GBP3: variants seen among roughly 807,000 people sequenced by gnomAD.
GBP3 encodes the protein guanylate binding protein 3, also known as guanylate-binding protein 3.
In GBP3, 55 loss-of-function variants were observed where a neutral mutation model predicts 62.4. That is an observed-to-expected ratio of 0.88 (90% CI 0.71 to 1.10). GBP3 has a LOEUF of 1.10. Ranked by LOEUF, GBP3 falls within the 50% of genes least tolerant of loss-of-function variation. The pLI is 0.00. For missense variants in GBP3, 605 were observed against 690.6 expected (o/e 0.88, Z 1.39); for synonymous variants, 208 against 259.2 (o/e 0.80, Z 1.90).
chr1:89,014,734 T>C (rs1678791317), intron 3 of GBP3, 78 bp from the exon 4 acceptor site: 1 of 1,559,260 alleles, frequency 6.4e-7, no homozygotes, highest in Non-Finnish European at 8.8e-7. Context: ...AGTAAAAGTA[T>C]ATCATAAGTT....
chr1:89,020,800 A>G (rs1679147613), intron 1 of GBP3, 57 bp from the exon 2 acceptor site: 3 of 1,507,898 alleles, frequency 2.0e-6, no homozygotes. Context: ...TTTAGAGGAT[A>G]GAGTCACAGA....
intron 1 of GBP3, among the ~76,000 whole-genome samples, chr1:89,021,510 G>GCGCGCGCGCGCGCGCACACACACACACA (rs751639388): frequency 3.8e-5 from 5 of 131,668 alleles, no homozygotes; most frequent in African/African-American, 1.5e-4. Context: ...GCGCGCGCGC[G>GCGCGCGCGCGCGCGCACACACACACACA]CACACACACA....
Position 89,007,845 on chromosome 1 carries a change from G to A in GBP3, c.1667C>T (p.Ala556Val), listed in dbSNP as rs373765234. The A allele has an allele frequency of 4.3e-6, 7 of 1,611,380 alleles. No individual in the cohort carries two copies. Among genetic ancestry groups the A allele is most frequent in the Non-Finnish European group, 5.9e-6 (7 of 1,179,086 alleles). The change falls in exon 11 of 11, where the codon GCC (alanine) becomes GTC (valine). Residue 556 changes from alanine to valine, a missense_variant. Transcript: ENST00000370481. ...TTGGCATCTCTCCTTTAGTACTCGG[G>A]CCTGTTCCTAAAAAGGGACAAATGG... ...KTLTSKLQEQ[A>V]RVLKERCQGE... is the part of the protein sequence containing the mutation.
chr1:89,014,483 A>T (rs1433959246), intron 4 of GBP3, 64 bp downstream of exon 4: 2 of 1,613,852 alleles, frequency 1.2e-6, no homozygotes, highest in Non-Finnish European at 1.7e-6. Context: ...ACAGTCAGGC[A>T]GCTGGTTTAT....
chr1:89,017,254 G>A (rs371783500), intron 2 of GBP3, among the ~76,000 whole-genome samples: 10 of 151,456 alleles, frequency 6.6e-5, no homozygotes, highest in East Asian at 5.8e-4. Context: ...ATCATTCAAC[G>A]CAGAAAGAGG....
chr1:89,017,634 A>T (rs547390010), intron 2 of GBP3, among the ~76,000 whole-genome samples: 1 of 152,244 alleles, frequency 6.6e-6, no homozygotes, highest in Admixed American at 6.5e-5. Flanking sequence ...AACAGATTAA[A>T]AAGTAAAGAA....
Position 89,007,564 on chromosome 1 carries a change from A to G in GBP3, c.*160T>C, listed in dbSNP as rs890042209. Reference sequence around the variant, plus strand: ...TTGTTGCACAATTTACAATCTTTTTAAGGAAAAAACATGATTTTGATCATT... The same window carrying G: ...TTGTTGCACAATTTACAATCTTTTTGAGGAAAAAACATGATTTTGATCATT... On this transcript the variant is annotated 3_prime_UTR_variant, in exon 11 of 11. Transcript: ENST00000370481. 2.8e-6 allele frequency: 2 copies of G among 706,762 alleles called. No individual in the cohort carries two copies. The highest frequency in any genetic ancestry group is 2.0e-5 in the South Asian group (1 of 49,378). The allele number at this position is 706,762 out of a possible 1,614,324, so 43.8% of individuals were successfully genotyped here.
chr1:89,007,707 C>T lies in GBP3; in HGVS notation c.*17G>A. ...TCAGTTATGCCTTGGGTTAGGATGACAGAAAAGCTCTGTTGTTTAGATCTT... is the reference window on the plus strand; with the variant it reads ...TCAGTTATGCCTTGGGTTAGGATGATAGAAAAGCTCTGTTGTTTAGATCTT... On this transcript the variant is annotated 3_prime_UTR_variant, in exon 11 of 11. Transcript: ENST00000370481. The T allele has an allele frequency of 6.2e-7, 1 of 1,603,028 alleles. No homozygotes were observed. Among genetic ancestry groups the T allele is most frequent in the Non-Finnish European group, 8.5e-7 (1 of 1,175,628 alleles).
Position 89,014,070 on chromosome 1 carries a change from A to G in GBP3, c.625+13T>C, listed in dbSNP as rs770434829. Reference sequence around the variant, plus strand: ...TTTGTCGTCCTCATTTATCAATGGTACGTCTCTGTTACCTTGCGTTAGCTT... The same window carrying G: ...TTTGTCGTCCTCATTTATCAATGGTGCGTCTCTGTTACCTTGCGTTAGCTT... On this transcript the variant is annotated intron_variant, in intron 5 of 10. Transcript: ENST00000370481. 9 of 1,611,548 alleles carry G rather than the reference A, an allele frequency of 5.6e-6. No individual in the cohort carries two copies. In the South Asian group the frequency reaches 9.9e-5, roughly 18 times the overall value.
rs143902744 is a variant in GBP3 at position 89,007,747 on chromosome 1, T to C, written c.1765A>G (p.Met589Val). 2.4e-5 allele frequency: 38 copies of C among 1,613,224 alleles called. No homozygotes were observed. The highest frequency in any genetic ancestry group is 8.3e-5 in the Admixed American group (5 of 59,912). The change falls in exon 11 of 11, where the codon ATG becomes GTG. Residue 589 changes from methionine to valine, a missense_variant. Physicochemically the swap from Met to Val is conservative, Grantham distance 21. Around this residue, in one of 3 missense-constraint regions of GBP3, gnomAD observed 160 missense variants for 147.8 expected, o/e 1.08. Coordinates refer to ENST00000370481, the MANE Select transcript of GBP3 (RefSeq NM_018284.3). ...GTTTAGATCTTTAGCTTATGCGACA[T>C]ATATCTCTTGGTTTTTTTTTTCAGG... ...KTLKKKTKRY[M>V]SHKLKI
At chr1:89,013,562 G>A in intron 5 of GBP3, 135 bp from the exon 6 acceptor site, 1 of 886,004 alleles carries the variant, frequency 1.1e-6, no homozygotes, top group Non-Finnish European at 1.7e-6. Flanking sequence ...CATGACAACA[G>A]CTTTAGACAA....
Position 89,008,978 on chromosome 1 carries a change from T to C in GBP3, c.1628A>G (p.Glu543Gly). The change falls in exon 10 of 11, where the codon GAG becomes GGG. Residue 543 changes from glutamate to glycine, a missense_variant. Around this residue, in one of 3 missense-constraint regions of GBP3, gnomAD observed 160 missense variants for 147.8 expected, o/e 1.08. Coordinates refer to ENST00000370481, the MANE Select transcript of GBP3 (RefSeq NM_018284.3). ...TTTACTAGTGAGGGTCTTCTCTTGC[T>C]CTTCCAGCAACTGGGCCCTCTCCCT... ...MERERAQLLE[E>G]QEKTLTSKLQ... The C allele has an allele frequency of 1.2e-6, 2 of 1,614,178 alleles. No individual in the cohort carries two copies. Among genetic ancestry groups the C allele is most frequent in the South Asian group, 1.1e-5 (1 of 91,082 alleles).
chr1:89,019,253 C>T (rs1679051734), intron 2 of GBP3, among the ~76,000 whole-genome samples: 1 of 152,214 alleles, frequency 6.6e-6, no homozygotes. Context: ...TTAGTATACA[C>T]ATATAATTAC....
At position 89,014,570 on chromosome 1, in the gene GBP3, G is replaced by A; in HGVS notation, c.405C>T (p.Asn135=). Residue 135 remains asparagine (N), a synonymous_variant, in exon 4 of 11, where the codon AAC becomes AAT. Transcript: ENST00000370481. ...ACTACAGTTGGTCCATAGCCTGCTGGTTGATGGTTCCCATGCTATTGTACA... is the reference window on the plus strand; with the variant it reads ...ACTACAGTTGGTCCATAGCCTGCTGATTGATGGTTCCCATGCTATTGTACA... The part of the protein sequence containing the change: ...TLVYNSMGTI[N]QQAMDQLYYV... 3 of 1,614,142 alleles carry A rather than the reference G, an allele frequency of 1.9e-6. No homozygotes were observed. The highest frequency in any genetic ancestry group is 2.5e-6 in the Non-Finnish European group (3 of 1,179,994).
At position 89,009,105 on chromosome 1, in the gene GBP3, C is replaced by G; in HGVS notation, c.1501G>C (p.Ala501Pro). The G allele has an allele frequency of 6.2e-7, 1 of 1,614,096 alleles. No individual in the cohort carries two copies. The highest frequency in any genetic ancestry group is 8.5e-7 in the Non-Finnish European group (1 of 1,179,992). Residue 501 changes from alanine to proline, a missense_variant, in exon 10 of 11, where the codon GCA (alanine) becomes CCA (proline). Coordinates refer to ENST00000370481, the MANE Select transcript of GBP3 (RefSeq NM_018284.3). ...CVKAESAQAS[A>P]KMVEEMQIKY... ...ATTTGCATTTCCTCCACCATTTTTG[C>G]TGAAGCCTGTGCAGATTCAGCTTTT...
In GBP3 at chr1:89,013,670, C is replaced by T. The variant is rs1678715767; in HGVS notation, c.626-243G>A. The T allele has an allele frequency of 4.2e-5, 21 of 504,820 alleles. 1 individual carries two copies. The South Asian group carries it at 4.9e-4, about 12-fold the overall frequency. The allele number at this position is 504,820 out of a possible 1,614,324, so 31.3% of individuals were successfully genotyped here. A position where few individuals can be genotyped will look rare whatever the true frequency, so the allele number is the denominator to read the frequency against. On this transcript the variant is annotated intron_variant, in intron 5 of 10. Transcript: ENST00000370481. ...CCATCATTTGTCTTAGGCTGCAGTT[C>T]GCCAGCATTTGGACTAGTACACTGT...
Position 89,011,827 on chromosome 1 carries a change from C to G in GBP3, c.1069G>C (p.Val357Leu). 4.1e-6 allele frequency: 6 copies of G among 1,462,238 alleles called. 2 individuals carry two copies. Among genetic ancestry groups the G allele is most frequent in the Non-Finnish European group, 5.7e-6 (6 of 1,055,266 alleles). The allele number at this position is 1,462,238 out of a possible 1,614,324, so 90.6% of individuals were successfully genotyped here. Reference sequence around the variant, plus strand: ...ACTTCAGTGGCCTCCCTCTCACTAACCCTGTGCAGGTCCAGCAGCTCCTGG... The same window carrying G: ...ACTTCAGTGGCCTCCCTCTCACTAAGCCTGTGCAGGTCCAGCAGCTCCTGG... The part of the protein sequence containing the change: ...TLQELLDLHR[V>L]SEREATEVYM... Residue 357 changes from valine (V) to leucine (L), a missense_variant, in exon 7 of 11, where the codon GTT becomes CTT. This residue lies in a region of GBP3 where 137 missense variants were observed against 224.7 expected (regional missense o/e 0.61). Transcript: ENST00000370481.
At chr1:89,021,788 T>TGAGAGAGAGA (rs146229731) in intron 1 of GBP3, among the ~76,000 whole-genome samples, 2,545 of 65,236 alleles carry the variant, frequency 0.039, 291 homozygotes, top group South Asian at 0.052. Flanking sequence ...GCTGGAAAGA[T>TGAGAGAGAGA]GAGAGAGAGA....
intron 1 of GBP3, among the ~76,000 whole-genome samples, chr1:89,021,510 G>GCACACACACACACACACACA (rs1553178198): frequency 7.6e-6 from 1 of 131,668 alleles, no homozygotes; most frequent in African/African-American, 3.0e-5. Flanking sequence ...GCGCGCGCGC[G>GCACACACACACACACACACA]CACACACACA....
Sources: allele counts gnomAD v4.1 joint callset (sites outside exome capture counted in the v4.1 genomes callset), GRCh38; gene constraint gnomAD v4.1.1; regional missense constraint gnomAD v4.1.1; transcripts MANE v1.5; gene names NCBI Gene and HGNC (gene_info 2026-07-23, HGNC 2026-07-21).